CTXN2: variants seen among roughly 807,000 people sequenced by gnomAD.
The protein encoded by CTXN2 is cortexin 2.
Under a neutral mutation model 5.7 loss-of-function variants are expected in CTXN2, and 3 were observed. The ratio of observed to expected loss-of-function variants is 0.53; its 90% CI spans 0.24 to 1.36. CTXN2 has a LOEUF of 1.36. Ranked by LOEUF, CTXN2 falls within the 40% of genes most tolerant of loss-of-function variation. CTXN2 has a pLI of 0.17. For missense variants in CTXN2, 87 were observed against 93.0 expected (o/e 0.94, Z 0.26); for synonymous variants, 38 against 36.4 (o/e 1.04, Z -0.16).
intron 1 of CTXN2, among the ~76,000 whole-genome samples, chr15:48,181,400 T>C (rs2040700942): frequency 6.6e-6 from 1 of 152,078 alleles, no homozygotes; most frequent in Admixed American, 6.5e-5. Flanking sequence ...AAAAGGGACC[T>C]ATCCAGAAGT....
At chr15:48,178,697 A>G (rs2040652159) in intron 1 of CTXN2, 1 of 156,854 alleles carries the variant, frequency 6.4e-6, no homozygotes, top group South Asian at 2.0e-4. Context: ...GACTTCTTGC[A>G]AGTCCTCAGA....
rs1216504838 is a variant in CTXN2, at chr15:48,202,855, T to C, written c.*1309T>C. 1.2e-5 allele frequency: 2 copies of C among 165,216 alleles called. No homozygotes were observed. Among genetic ancestry groups the C allele is most frequent in the Non-Finnish European group, 2.9e-5 (2 of 68,102 alleles). The allele number at this position is 165,216 out of a possible 1,614,324, so 10.2% of individuals were successfully genotyped here. ...TTCTTTCCAACTACAAACTTCTGACTCTCTATGAGTCAGAATGGAGGAACA... is the reference window on the plus strand; with the variant it reads ...TTCTTTCCAACTACAAACTTCTGACCCTCTATGAGTCAGAATGGAGGAACA... On this transcript the variant is annotated 3_prime_UTR_variant, in exon 2 of 2. Transcript: ENST00000417307.
intron 1 of CTXN2, among the ~76,000 whole-genome samples, chr15:48,179,963 T>C (rs527344790): frequency 6.6e-6 from 1 of 152,352 alleles, no homozygotes; most frequent in Admixed American, 6.5e-5. Flanking sequence ...CAAGATTTTT[T>C]TAAGAGGCCT....
intron 1 of CTXN2, among the ~76,000 whole-genome samples, chr15:48,194,813 A>G (rs541229394): frequency 3.5e-4 from 54 of 152,210 alleles, no homozygotes; most frequent in African/African-American, 1.3e-3. Flanking sequence ...TTCCTACAAG[A>G]TAATATTTCA....
At position 48,201,685 on chromosome 15, in the gene CTXN2, T is replaced by C. The variant is rs2040931016; in HGVS notation, c.*139T>C. ...ACATCTGTGACTAATTTCTTCACCA[T>C]GCTGTGTAAATGATAAACTATTGTT... On this transcript the variant is annotated 3_prime_UTR_variant, in exon 2 of 2. Coordinates refer to ENST00000417307, the MANE Select transcript of CTXN2 (RefSeq NM_001145668.2). 1.2e-6 allele frequency: 1 copy of C among 826,392 alleles called. No individual in the cohort carries two copies. Among genetic ancestry groups the C allele is most frequent in the South Asian group, 1.8e-5 (1 of 54,328 alleles). 51.2% of individuals were successfully genotyped at this position (826,392 alleles called of 1,614,324 possible). A position where few individuals can be genotyped will look rare whatever the true frequency, so the allele number is the denominator to read the frequency against.
intron 1 of CTXN2, among the ~76,000 whole-genome samples, chr15:48,197,925 A>G (rs2040894643): frequency 6.6e-6 from 1 of 152,140 alleles, no homozygotes; most frequent in Non-Finnish European, 1.5e-5. Context: ...TAAGGGTAAC[A>G]GTCAAGTAAT....
upstream of CTXN2, among the ~76,000 whole-genome samples, chr15:48,189,868 G>A (rs980146229): frequency 7.9e-5 from 12 of 152,164 alleles, no homozygotes; most frequent in African/African-American, 2.9e-4. Context: ...GAGTGCAGTG[G>A]CACAATCTCA....
At chr15:48,200,376 T>C (rs1361336089) in intron 1 of CTXN2, among the ~76,000 whole-genome samples, 1 of 152,184 alleles carries the variant, frequency 6.6e-6, no homozygotes, top group African/African-American at 2.4e-5. Flanking sequence ...TTTGTTTCAG[T>C]TGAACATATA....
At chr15:48,187,684 T>C (rs1447596783), upstream of CTXN2, among the ~76,000 whole-genome samples, 1 of 152,176 alleles carries the variant, frequency 6.6e-6, no homozygotes, top group Non-Finnish European at 1.5e-5. Context: ...TTAGAGGAAA[T>C]TCTTGTTTTC....
intron 1 of CTXN2, among the ~76,000 whole-genome samples, chr15:48,199,352 G>A (rs930435762): frequency 3.3e-5 from 5 of 152,106 alleles, no homozygotes; most frequent in African/African-American, 1.2e-4. Flanking sequence ...CTTCACTGAA[G>A]GAAATCTATT....
chr15:48,178,675 T>C (rs976347640), intron 1 of CTXN2: 9 of 161,426 alleles, frequency 5.6e-5, no homozygotes, highest in Admixed American at 6.4e-5. Flanking sequence ...CACACCACTT[T>C]GCATCTTTAA....
intron 1 of CTXN2, among the ~76,000 whole-genome samples, chr15:48,195,897 GTTGT>G (rs2040875069): frequency 6.6e-6 from 1 of 151,954 alleles, no homozygotes; most frequent in Non-Finnish European, 1.5e-5. Flanking sequence ...AGCCTATGTT[GTTGT>G]TTCTTTCCTT....
At chr15:48,195,680 C>A (rs2040871821) in intron 1 of CTXN2, among the ~76,000 whole-genome samples, 1 of 152,134 alleles carries the variant, frequency 6.6e-6, no homozygotes, top group South Asian at 2.1e-4. Context: ...GAAAAACTTT[C>A]CTGATCCCTC....
intron 1 of CTXN2, among the ~76,000 whole-genome samples, chr15:48,200,805 C>A (rs2040922212): frequency 6.6e-6 from 1 of 152,072 alleles, no homozygotes; most frequent in Admixed American, 6.5e-5. Context: ...GTCAAAATGG[C>A]ACTGGAAATA....
At chr15:48,192,884 G>C (rs1811785848) in intron 1 of CTXN2, among the ~76,000 whole-genome samples, 1 of 152,094 alleles carries the variant, frequency 6.6e-6, no homozygotes, top group African/African-American at 2.4e-5. Flanking sequence ...ATTGTGCATT[G>C]TTGCATGATT....
intron 1 of CTXN2, among the ~76,000 whole-genome samples, chr15:48,180,659 C>A (rs1193885817): frequency 6.6e-6 from 1 of 152,218 alleles, no homozygotes; most frequent in East Asian, 1.9e-4. Flanking sequence ...CTACAGGCGC[C>A]CGCCAGCAGG....
upstream of CTXN2, chr15:48,191,569 G>T: frequency 2.6e-6 from 1 of 378,432 alleles, no homozygotes; most frequent in South Asian, 1.9e-5. Flanking sequence ...ACACGCGAGC[G>T]CAAATATTTA....
chr15:48,187,935 C>T (rs747178817), upstream of CTXN2, among the ~76,000 whole-genome samples: 18 of 152,066 alleles, frequency 1.2e-4, no homozygotes, highest in African/African-American at 4.1e-4. Context: ...AAAATTTCTT[C>T]GTCATCTTGA....
chr15:48,203,358 G>C lies in CTXN2; in HGVS notation c.*1812G>C, dbSNP rs185557876. 1.2e-5 allele frequency: 2 copies of C among 166,934 alleles called. No individual in the cohort carries two copies. Among genetic ancestry groups the C allele is most frequent in the Non-Finnish European group, 2.9e-5 (2 of 68,102 alleles). The allele number at this position is 166,934 out of a possible 1,614,324, so 10.3% of individuals were successfully genotyped here. A position where few individuals can be genotyped will look rare whatever the true frequency, so the allele number is the denominator to read the frequency against. ...TGGACCAAATCCTCACCTCAAGGAG[G>C]CTCTCTGTACCCCAGTTGGTTCAAG... On this transcript the variant is annotated 3_prime_UTR_variant, in exon 2 of 2. Coordinates refer to ENST00000417307, the MANE Select transcript of CTXN2 (RefSeq NM_001145668.2).
Sources: gnomAD v4.1 joint callset for allele counts (sites outside exome capture counted in the v4.1 genomes callset) on GRCh38, gnomAD v4.1.1 for gene constraint, MANE v1.5 for transcripts, NCBI Gene and HGNC (gene_info 2026-07-23, HGNC 2026-07-21) for gene names.